LRIT1: variants seen among roughly 807,000 people sequenced by gnomAD.
The protein encoded by LRIT1 is leucine rich repeat, Ig-like and transmembrane domains 1.
Under a neutral mutation model 24.0 loss-of-function variants are expected in LRIT1, and 23 were observed. That is an observed-to-expected ratio of 0.96 (90% CI 0.69 to 1.36). The LOEUF is 1.36. Among genes scored for constraint, LRIT1 ranks in the 40% most tolerant of loss-of-function variants. The pLI, the probability that LRIT1 is intolerant of heterozygous loss-of-function variation, is 0.00. For synonymous variants in LRIT1, 361 were observed against 340.5 expected, an observed-to-expected ratio of 1.06 and a Z score of -0.66; for missense variants, 846 against 806.3, an observed-to-expected ratio of 1.05 and a Z score of -0.60.
In LRIT1 at chr10:84,231,662, C is replaced by CA. The variant is rs1449050887; in HGVS notation, c.*264dup. 4 of 474,458 alleles carry CA rather than the reference C, an allele frequency of 8.4e-6. No homozygotes were observed. Among genetic ancestry groups the CA allele is most frequent in the Admixed American group, 3.7e-5 (1 of 27,000 alleles). 29.4% of individuals were successfully genotyped at this position (474,458 alleles called of 1,614,324 possible). ...GATACAGGCAAGTTTCTTAACCCCCCACCCCAGGGAAATGGAGAGAATAGT... is the reference window on the plus strand; with the variant it reads ...GATACAGGCAAGTTTCTTAACCCCCCAACCCCAGGGAAATGGAGAGAATAGT... On this transcript the variant is annotated 3_prime_UTR_variant, in exon 4 of 4. Transcript: ENST00000372105.
At chr10:84,236,462 T>C (rs1842648580) in intron 2 of LRIT1, among the ~76,000 whole-genome samples, 1 of 152,246 alleles carries the variant, frequency 6.6e-6, no homozygotes, top group African/African-American at 2.4e-5. Flanking sequence ...TAGAATATTG[T>C]GCAGTAGTTT....
chr10:84,235,741 A>G (rs1020787388), intron 2 of LRIT1, among the ~76,000 whole-genome samples: 4 of 151,948 alleles, frequency 2.6e-5, no homozygotes, highest in Non-Finnish European at 5.9e-5. Context: ...CGCCCAAGTA[A>G]GTGGGATTAC....
At chr10:84,237,138 G>A in intron 2 of LRIT1, 82 bp downstream of exon 2, 1 of 1,128,868 alleles carries the variant, frequency 8.9e-7, no homozygotes, top group Non-Finnish European at 1.3e-6. Context: ...AGGAAGGTAT[G>A]ATTTCAATTT....
At position 84,231,938 on chromosome 10, in the gene LRIT1, A is replaced by G. The variant is rs1259817513; in HGVS notation, c.1861T>C (p.Tyr621His). Reference protein sequence around the residue: ...GVKGGRRINEYFC With the variant: ...GVKGGRRINEHFC ...CGGAGGCATATCCCTCAGCAGAAGT[A>G]CTCATTGATTCTCCTGCCCCCTTTG... The change falls in exon 4 of 4, where the codon TAC (tyrosine) becomes CAC (histidine). Residue 621 changes from tyrosine to histidine, a missense_variant. By Grantham distance (83) the Tyr-to-His change is moderately conservative. Coordinates refer to ENST00000372105, the MANE Select transcript of LRIT1 (RefSeq NM_015613.3). 2 of 1,605,428 alleles carry G rather than the reference A, an allele frequency of 1.2e-6. No individual in the cohort carries two copies. The highest frequency in any genetic ancestry group is 1.7e-6 in the Non-Finnish European group (2 of 1,174,252).
intron 1 of LRIT1, 38 bp downstream of exon 1, chr10:84,241,280 G>C (rs148666571): frequency 6.2e-7 from 1 of 1,613,294 alleles, no homozygotes; most frequent in Non-Finnish European, 8.5e-7. Context: ...CAAAGCAATG[G>C]AGGCTGGGCT....
Position 84,232,690 on chromosome 10 carries a change from T to C in LRIT1, c.1109A>G (p.Glu370Gly), listed in dbSNP as rs1490684372. 1 of 1,613,668 alleles carries C rather than the reference T, an allele frequency of 6.2e-7. No individual in the cohort carries two copies. The highest frequency in any genetic ancestry group is 2.2e-5 in the East Asian group (1 of 44,872). The part of the protein sequence containing the change: ...ALWARTGGGG[E>G]AAAYNNKLVA... Reference sequence around the variant, plus strand: ...CAGCTTGTTGTTGTAAGCAGCAGCTTCCCCTCCGCCACCTGTCCTTGCCCA... The same window carrying C: ...CAGCTTGTTGTTGTAAGCAGCAGCTCCCCCTCCGCCACCTGTCCTTGCCCA... The change falls in exon 4 of 4, where the codon GAA (glutamate) becomes GGA (glycine). Residue 370 changes from glutamate (E) to glycine (G), a missense_variant. Transcript: ENST00000372105.
chr10:84,239,002 T>A lies in LRIT1; in HGVS notation c.123-1316A>T, dbSNP rs1350930156. ...CTCTTGTAATAGCATAACCTACTGG[T>A]GATATCAGGCTTTCCTGGAGGTGCA... On this transcript the variant is annotated intron_variant, in intron 1 of 3. Coordinates refer to ENST00000372105, the MANE Select transcript of LRIT1 (RefSeq NM_015613.3). Among the ~76,000 whole-genome samples the A allele has an allele frequency of 2.0e-5, 3 of 152,224 alleles. No individual in the cohort carries two copies. In the East Asian group the frequency reaches 5.8e-4, roughly 29 times the overall value.
rs1220018883 is a variant in LRIT1 at position 84,237,244 on chromosome 10, C to G, written c.565G>C (p.Gly189Arg). 1 of 1,550,448 alleles carries G rather than the reference C, an allele frequency of 6.4e-7. No individual in the cohort carries two copies. Among genetic ancestry groups the G allele is most frequent in the Non-Finnish European group, 8.7e-7 (1 of 1,146,956 alleles). Reference protein sequence around the residue: ...AHLETGIFPPGHHPRRVLGLQ... With the variant: ...AHLETGIFPPRHHPRRVLGLQ... ...CCTAGGACCCGCCTGGGGTGGTGGC[C>G]GGGAGGAAAGATACCGGTCTCCAGG... The change falls in exon 2 of 4, where the codon GGC becomes CGC. Residue 189 changes from glycine to arginine, a missense_variant. Gly to Arg is a moderately radical substitution (Grantham distance 125). Coordinates refer to ENST00000372105, the MANE Select transcript of LRIT1 (RefSeq NM_015613.3).
In LRIT1 at chr10:84,231,982, T is replaced by C; in HGVS notation, c.1817A>G (p.Asp606Gly). Reference sequence around the variant, plus strand: ...CCCTTTGACTCCAAAGGCCTGAAAGTCCACACTGGAACGAGCTGAGAGAAG... The same window carrying C: ...CCCTTTGACTCCAAAGGCCTGAAAGCCCACACTGGAACGAGCTGAGAGAAG... ...DRLLSARSSV[D>G]FQAFGVKGGR... The change falls in exon 4 of 4, where the codon GAC becomes GGC. Residue 606 changes from aspartate to glycine, a missense_variant. Coordinates refer to ENST00000372105, the MANE Select transcript of LRIT1 (RefSeq NM_015613.3). 1 of 1,613,880 alleles carries C rather than the reference T, an allele frequency of 6.2e-7. No homozygotes were observed. Among genetic ancestry groups the C allele is most frequent in the Non-Finnish European group, 8.5e-7 (1 of 1,179,888 alleles).
At chr10:84,233,564 G>A (rs907414612) in intron 3 of LRIT1, among the ~76,000 whole-genome samples, 2 of 152,128 alleles carry the variant, frequency 1.3e-5, no homozygotes, top group Admixed American at 1.3e-4. Flanking sequence ...GTAGCATTTA[G>A]CCTCTCAGAG....
rs561144689 is a variant in LRIT1 at position 84,232,563 on chromosome 10, C to T, written c.1236G>A (p.Met412Ile). The change falls in exon 4 of 4, where the codon ATG becomes ATA. Residue 412 changes from methionine to isoleucine, a missense_variant. Coordinates refer to ENST00000372105, the MANE Select transcript of LRIT1 (RefSeq NM_015613.3). The part of the protein sequence containing the change: ...KEELTLEHFQ[M>I]DALGELSDGR... ...CATCAGAGAGCTCTCCCAGGGCATC[C>T]ATCTGGAAGTGCTCAAGGGTCAGCT... 4.3e-5 allele frequency: 69 copies of T among 1,614,180 alleles called. No homozygotes were observed. In the South Asian group the frequency reaches 7.5e-4, roughly 17 times the overall value.
rs1842689477 is a variant in LRIT1 at position 84,241,367 on chromosome 10, A to T, written c.73T>A (p.Ser25Thr). Residue 25 changes from serine to threonine, a missense_variant, in exon 1 of 4, where the codon TCT (serine) becomes ACT (threonine). Coordinates refer to ENST00000372105, the MANE Select transcript of LRIT1 (RefSeq NM_015613.3). ...ATATGGAGGCTGCAGCTGCATTGAG[A>T]GGGGCAGAAGCCCCGGGCCTGGGGG... ...WPPQARGFCP[S>T]QCSCSLHIMG... 1 of 1,613,016 alleles carries T rather than the reference A, an allele frequency of 6.2e-7. No homozygotes were observed.
intron 1 of LRIT1, among the ~76,000 whole-genome samples, chr10:84,239,580 C>T (rs1333204174): frequency 6.6e-6 from 1 of 152,170 alleles, no homozygotes; most frequent in Non-Finnish European, 1.5e-5. Flanking sequence ...ACCATAAGAA[C>T]TCAATGCAAG....
At position 84,231,926 on chromosome 10, in the gene LRIT1, C is replaced by T. The variant is rs929766541; in HGVS notation, c.*1G>A. The stretch of plus-strand genomic sequence containing the variant: ...GTGTGTGAGTTGCGGAGGCATATCC[C>T]TCAGCAGAAGTACTCATTGATTCTC... On this transcript the variant is annotated 3_prime_UTR_variant, in exon 4 of 4. Transcript: ENST00000372105. 8 of 1,597,718 alleles carry T rather than the reference C, an allele frequency of 5.0e-6. No homozygotes were observed. Among genetic ancestry groups the T allele is most frequent in the Middle Eastern group, 1.7e-4 (1 of 6,028 alleles).
Position 84,232,398 on chromosome 10 carries a change from C to T in LRIT1, c.1401G>A (p.Gly467=), listed in dbSNP as rs1179473597. ...CAATCACCCGCCGCATGCTGTGCTGCCCAAAGACCGCGTAGAGGACACTGA... is the reference window on the plus strand; with the variant it reads ...CAATCACCCGCCGCATGCTGTGCTGTCCAAAGACCGCGTAGAGGACACTGA... The part of the protein sequence containing the change: ...TAFSVLYAVF[G]QHSMRRVIVQ... The change falls in exon 4 of 4, where the codon GGG becomes GGA. Residue 467 remains glycine, a synonymous_variant. Coordinates refer to ENST00000372105, the MANE Select transcript of LRIT1 (RefSeq NM_015613.3). 3 of 1,613,982 alleles carry T rather than the reference C, an allele frequency of 1.9e-6. No individual in the cohort carries two copies. The highest frequency in any genetic ancestry group is 1.7e-5 in the Admixed American group (1 of 60,004).
At position 84,234,205 on chromosome 10, in the gene LRIT1, C is replaced by T. The variant is rs775255201; in HGVS notation, c.763G>A (p.Glu255Lys). ...QLELRKCQGP[E>K]LHPGVASIRS... Reference sequence around the variant, plus strand: ...ATGCTGGCCACTCCTGGATGGAGCTCTGGGCCCTGGCACTTCCTCAGTTCA... The same window carrying T: ...ATGCTGGCCACTCCTGGATGGAGCTTTGGGCCCTGGCACTTCCTCAGTTCA... The change falls in exon 3 of 4, where the codon GAG becomes AAG. Residue 255 changes from glutamate to lysine, a missense_variant. Coordinates refer to ENST00000372105, the MANE Select transcript of LRIT1 (RefSeq NM_015613.3). The T allele has an allele frequency of 2.5e-6, 4 of 1,613,954 alleles. No homozygotes were observed. The Admixed American group carries it at 6.7e-5, about 27-fold the overall frequency.
intron 2 of LRIT1, among the ~76,000 whole-genome samples, chr10:84,235,110 T>C (rs1166606829): frequency 6.6e-6 from 1 of 152,198 alleles, no homozygotes; most frequent in African/African-American, 2.4e-5. Flanking sequence ...GCAAGATAAA[T>C]ACACTTGATA....
chr10:84,233,962 C>G, intron 3 of LRIT1, 111 bp downstream of exon 3: 1 of 1,052,340 alleles, frequency 9.5e-7, no homozygotes, highest in Non-Finnish European at 1.3e-6. Flanking sequence ...CAGGTGGAAG[C>G]CCAGCTTTGC....
intron 2 of LRIT1, among the ~76,000 whole-genome samples, chr10:84,236,466 G>A (rs1842648624): frequency 6.6e-6 from 1 of 152,172 alleles, no homozygotes; most frequent in Non-Finnish European, 1.5e-5. Context: ...ATATTGTGCA[G>A]TAGTTTTAAA....
Sources: gnomAD v4.1 joint callset for allele counts (sites outside exome capture counted in the v4.1 genomes callset) on GRCh38, gnomAD v4.1.1 for gene constraint, MANE v1.5 for transcripts, NCBI Gene and HGNC (gene_info 2026-07-23, HGNC 2026-07-21) for gene names.